Variants in PAQR3 observed in about 807,000 individuals in gnomAD.
PAQR3 encodes Raf kinase trapping to Golgi.
A neutral mutation model predicts 41.7 loss-of-function variants in PAQR3; 39 were observed. The ratio of observed to expected loss-of-function variants is 0.93; its 90% CI spans 0.72 to 1.22. PAQR3 has a LOEUF of 1.22. Ranked by LOEUF, PAQR3 falls within the 50% of genes most tolerant of loss-of-function variation. The pLI, the probability that PAQR3 is intolerant of heterozygous loss-of-function variation, is 0.00. For synonymous variants in PAQR3, 140 were observed against 140.6 expected, an observed-to-expected ratio of 1.00 and a Z score of 0.03; for missense variants, 366 against 385.6, an observed-to-expected ratio of 0.95 and a Z score of 0.42.
intron 1 of PAQR3, among the ~76,000 whole-genome samples, chr4:78,938,057 AC>A (rs1280149677): frequency 6.6e-6 from 1 of 152,202 alleles, no homozygotes; most frequent in African/African-American, 2.4e-5. Context: ...TCACAGAAAC[AC>A]TTTCATGGCA....
chr4:78,922,957 T>TA (rs1560572930), intron 5 of PAQR3: 1 of 456,172 alleles, frequency 2.2e-6, no homozygotes. Flanking sequence ...AGTGTCCTCT[T>TA]AGTTATTTTC....
chr4:78,898,462 CA>C (rs1395651318), intron 11 of PAQR3, among the ~76,000 whole-genome samples: 1 of 151,162 alleles, frequency 6.6e-6, no homozygotes, highest in African/African-American at 2.4e-5. Flanking sequence ...GAGAGGTTGG[CA>C]GGGGCTATCA....
chr4:78,912,008 C>T lies in PAQR3; in HGVS notation c.*8531G>A. On this transcript the variant is annotated 3_prime_UTR_variant, in exon 6 of 6. Coordinates refer to ENST00000512733, the MANE Select transcript of PAQR3 (RefSeq NM_001040202.2). Reference sequence around the variant, plus strand: ...CCAGTCGAATTAGACCCATTTGGTGCTGCTCCATTTCCTTCTAAACAGTAG... The same window carrying T: ...CCAGTCGAATTAGACCCATTTGGTGTTGCTCCATTTCCTTCTAAACAGTAG... 6.2e-7 allele frequency: 1 copy of T among 1,612,218 alleles called. No homozygotes were observed. Among genetic ancestry groups the T allele is most frequent in the Non-Finnish European group, 8.5e-7 (1 of 1,178,844 alleles).
chr4:78,900,598 T>A (rs1034818119), intron 11 of PAQR3, among the ~76,000 whole-genome samples: 5 of 152,240 alleles, frequency 3.3e-5, no homozygotes, highest in Admixed American at 2.6e-4. Flanking sequence ...TCTGGTTCAG[T>A]CAGCTGGCCT....
In PAQR3 at chr4:78,939,415, C is replaced by G. The variant is rs1228703853; in HGVS notation, c.-191G>C. 3.4e-6 allele frequency: 1 copy of G among 296,408 alleles called. No homozygotes were observed. The highest frequency in any genetic ancestry group is 5.7e-6 in the Non-Finnish European group (1 of 174,986). The allele number at this position is 296,408 out of a possible 1,614,324, so 18.4% of individuals were successfully genotyped here. On this transcript the variant is annotated 5_prime_UTR_variant, in exon 1 of 6. Transcript: ENST00000512733. ...CCACTGCCGCCAGCGCCGCGGCGGA[C>G]CCGGCAGCGTCGCAGCCTCCTCTGA...
chr4:78,926,585 T>C lies in PAQR3; in HGVS notation c.638A>G (p.Tyr213Cys). ...RSIIFCSVSG[Y>C]GVIPTLHWVW... ...CCAGTGAAGAGTAGGAATCACTCCA[T>C]ATCCCGAAACAGAACAAAAGATGAT... The change falls in exon 4 of 6, where the codon TAT becomes TGT. Residue 213 changes from tyrosine (Y) to cysteine (C), a missense_variant. Physicochemically the swap from Tyr to Cys is radical, Grantham distance 194. Coordinates refer to ENST00000512733, the MANE Select transcript of PAQR3 (RefSeq NM_001040202.2). The C allele has an allele frequency of 1.9e-6, 3 of 1,614,034 alleles. No homozygotes were observed. The highest frequency in any genetic ancestry group is 2.5e-6 in the Non-Finnish European group (3 of 1,179,952).
At position 78,920,461 on chromosome 4, in the gene PAQR3, A is replaced by C. The variant is rs1265440519; in HGVS notation, c.*78T>G. 7.0e-7 allele frequency: 1 copy of C among 1,438,254 alleles called. No homozygotes were observed. The highest frequency in any genetic ancestry group is 9.2e-7 in the Non-Finnish European group (1 of 1,092,056). 89.1% of individuals were successfully genotyped at this position (1,438,254 alleles called of 1,614,324 possible). ...AAGGAAAAAGGGAAAACTAATGGGA[A>C]TCTTAGAAATAGTGGGGTATACAAT... On this transcript the variant is annotated 3_prime_UTR_variant, in exon 6 of 6. Transcript: ENST00000512733.
chr4:78,907,299 GAAGTATAAAGTGACAGATGTCTTCTGAA>G (rs1235252678), downstream of PAQR3, among the ~76,000 whole-genome samples: 1 of 152,168 alleles, frequency 6.6e-6, no homozygotes, highest in African/African-American at 2.4e-5. Flanking sequence ...AACAGAATGA[GAAGTATAAAGTGACAGATGTCTTCTGAA>G]AAGTAATGGT....
rs1370290612 is a variant in PAQR3, at chr4:78,912,709, A to C, written c.*7830T>G. On this transcript the variant is annotated 3_prime_UTR_variant, in exon 6 of 6. Transcript: ENST00000512733. ...TCAATTTAACTATTCCACAACTTACATATTCCAAAACAATGTTATACATGA... is the reference window on the plus strand; with the variant it reads ...TCAATTTAACTATTCCACAACTTACCTATTCCAAAACAATGTTATACATGA... 6.6e-6 allele frequency: 1 copy of C among 152,232 alleles called. No homozygotes were observed. The highest frequency in any genetic ancestry group is 2.4e-5 in the African/African-American group (1 of 41,460). The allele number at this position is 152,232 out of a possible 1,614,324, so 9.4% of individuals were successfully genotyped here.
chr4:78,903,989 T>A (rs1298052070), intron 11 of PAQR3, among the ~76,000 whole-genome samples: 7 of 151,966 alleles, frequency 4.6e-5, no homozygotes, highest in Non-Finnish European at 7.4e-5. Context: ...AGGTCTCAGA[T>A]TTCTTACGTA....
intron 2 of PAQR3, among the ~76,000 whole-genome samples, chr4:78,932,167 T>C (rs1394380739): frequency 1.3e-5 from 2 of 152,228 alleles, no homozygotes; most frequent in African/African-American, 2.4e-5. Flanking sequence ...AATATCAGTA[T>C]TCAATAACAA....
intron 2 of PAQR3, among the ~76,000 whole-genome samples, chr4:78,933,732 T>A (rs191986421): frequency 6.6e-6 from 1 of 152,206 alleles, no homozygotes; most frequent in East Asian, 1.9e-4. Context: ...TGTTTCTTTA[T>A]TGGAAATTGT....
intron 2 of PAQR3, among the ~76,000 whole-genome samples, chr4:78,931,185 TAAAAA>T (rs1553925635): frequency 9.6e-5 from 11 of 115,062 alleles, no homozygotes; most frequent in Admixed American, 1.9e-4. Flanking sequence ...CCTCATTTCT[TAAAAA>T]AAAAAAAAAA....
chr4:78,931,231 A>G (rs1461070946), intron 2 of PAQR3, among the ~76,000 whole-genome samples: 18 of 146,232 alleles, frequency 1.2e-4, no homozygotes, highest in African/African-American at 4.0e-4. Context: ...GGCGGCATGC[A>G]CCTGTGGTCC....
intron 5 of PAQR3, chr4:78,921,988 A>G: frequency 1.0e-6 from 1 of 983,886 alleles, no homozygotes; most frequent in Non-Finnish European, 1.2e-6. Context: ...ACAATTGGTA[A>G]CTCCTGATCT....
At chr4:78,909,948 TG>T (rs145976093), downstream of PAQR3, among the ~76,000 whole-genome samples, 10,329 of 152,308 alleles carry the variant, frequency 0.068, 464 homozygotes, top group East Asian at 0.21. Flanking sequence ...GGTTTAGATT[TG>T]TTTTTAAAGG....
chr4:78,889,224 A>G (rs1411676460), intron 11 of PAQR3, among the ~76,000 whole-genome samples: 2 of 149,194 alleles, frequency 1.3e-5, no homozygotes, highest in Non-Finnish European at 3.0e-5. Flanking sequence ...CTGTCTCAAA[A>G]AAAAAAAAAA....
intron 11 of PAQR3, among the ~76,000 whole-genome samples, chr4:78,894,133 A>G (rs1195171369): frequency 7.9e-5 from 12 of 152,234 alleles, no homozygotes; most frequent in Admixed American, 7.9e-4. Flanking sequence ...TAGAACACAA[A>G]CAGAGTAGTT....
intron 3 of PAQR3, among the ~76,000 whole-genome samples, 174 bp downstream of exon 3, chr4:78,929,996 A>C (rs1017780306): frequency 6.6e-6 from 1 of 152,226 alleles, no homozygotes; most frequent in Non-Finnish European, 1.5e-5. Context: ...TGGAACTGAT[A>C]ACAGATGTTA....
Sources: gnomAD v4.1 joint callset for allele counts (sites outside exome capture counted in the v4.1 genomes callset) on GRCh38, gnomAD v4.1.1 for gene constraint, MANE v1.5 for transcripts, NCBI Gene and HGNC (gene_info 2026-07-23, HGNC 2026-07-21) for gene names.